Variants in ENTHD1 observed in about 807,000 individuals in gnomAD.
The protein encoded by ENTHD1 is ENTH domain containing 1.
Under a neutral mutation model 39.1 loss-of-function variants are expected in ENTHD1, and 23 were observed. That is an observed-to-expected ratio of 0.59 (90% confidence interval 0.42 to 0.83). The LOEUF is 0.83. Among genes scored for constraint, ENTHD1 ranks in the 40% least tolerant of loss-of-function variants. ENTHD1 has a pLI of 0.00. For missense variants in ENTHD1, 624 were observed against 705.4 expected, an observed-to-expected ratio of 0.88 and a Z score of 1.31; for synonymous variants, 230 against 258.2, an observed-to-expected ratio of 0.89 and a Z score of 1.05.
chr22:39,761,785 T>C (rs2065235190), intron 6 of ENTHD1, among the ~76,000 whole-genome samples: 1 of 152,154 alleles, frequency 6.6e-6, no homozygotes, highest in African/African-American at 2.4e-5. Context: ...AATTCCTTTT[T>C]ACAGTTTTTT....
intron 5 of ENTHD1, among the ~76,000 whole-genome samples, chr22:39,777,172 T>C (rs190281613): frequency 6.6e-6 from 1 of 152,286 alleles, no homozygotes; most frequent in African/African-American, 2.4e-5. Context: ...ATAAGACCAT[T>C]TTGCTAAGAG....
At chr22:39,813,352 A>G (rs1473058732) in intron 5 of ENTHD1, among the ~76,000 whole-genome samples, 1 of 152,274 alleles carries the variant, frequency 6.6e-6, no homozygotes, top group Admixed American at 6.5e-5. Flanking sequence ...ACTCATAGAC[A>G]TAGATGCAAA....
chr22:39,841,095 T>C (rs1244056352), intron 3 of ENTHD1, among the ~76,000 whole-genome samples: 1 of 152,214 alleles, frequency 6.6e-6, no homozygotes, highest in African/African-American at 2.4e-5. Context: ...ACTTTGATTT[T>C]GTAATAATTT....
At chr22:39,744,420 A>C in intron 6 of ENTHD1, 137 bp from the exon 7 acceptor site, 1 of 763,260 alleles carries the variant, frequency 1.3e-6, no homozygotes, top group Non-Finnish European at 1.9e-6. Flanking sequence ...AATGTTAACT[A>C]TTCATAATAA....
intron 3 of ENTHD1, among the ~76,000 whole-genome samples, chr22:39,852,107 C>G (rs1410212013): frequency 6.6e-6 from 1 of 151,852 alleles, no homozygotes; most frequent in East Asian, 1.9e-4. Flanking sequence ...CTGAGGCGAG[C>G]AGATTGCTTA....
chr22:39,772,977 C>A (rs2065338603), intron 5 of ENTHD1, among the ~76,000 whole-genome samples: 2 of 151,788 alleles, frequency 1.3e-5, no homozygotes, highest in African/African-American at 2.4e-5. Context: ...ATACATGAAG[C>A]AAAATCTGAC....
At position 39,756,079 on chromosome 22, in the gene ENTHD1, G is replaced by A. The variant is rs554998884; in HGVS notation, c.1219+9144C>T. On this transcript the variant is annotated intron_variant, in intron 6 of 6. Coordinates refer to ENST00000325157, the MANE Select transcript of ENTHD1 (RefSeq NM_152512.4). ...GATTTATTCTCCGATCTCCCTCTAGGACTGGGAGCTTTGCCATCCTCTCCT... is the reference window on the plus strand; with the variant it reads ...GATTTATTCTCCGATCTCCCTCTAGAACTGGGAGCTTTGCCATCCTCTCCT... 2.6e-5 allele frequency among the ~76,000 whole-genome samples: 4 copies of A among 152,210 alleles called. No individual in the cohort carries two copies. In the East Asian group the frequency reaches 7.7e-4, roughly 29 times the overall value.
intron 3 of ENTHD1, among the ~76,000 whole-genome samples, chr22:39,848,959 G>T (rs944388181): frequency 8.5e-5 from 13 of 152,076 alleles, no homozygotes; most frequent in African/African-American, 3.1e-4. Flanking sequence ...TTATTGAGCA[G>T]TTCAGTTTTT....
At chr22:39,748,143 G>A (rs1329859392) in intron 6 of ENTHD1, among the ~76,000 whole-genome samples, 2 of 151,858 alleles carry the variant, frequency 1.3e-5, no homozygotes, top group Admixed American at 6.6e-5. Flanking sequence ...CACCTACTTG[G>A]GAGACTAAAG....
intron 5 of ENTHD1, among the ~76,000 whole-genome samples, chr22:39,790,315 G>A (rs551244385): frequency 6.6e-6 from 1 of 152,252 alleles, no homozygotes; most frequent in Admixed American, 6.5e-5. Context: ...AGGCAACAAT[G>A]GTGGACAGGA....
chr22:39,819,214 A>T (rs2065759020), intron 5 of ENTHD1, among the ~76,000 whole-genome samples: 3 of 152,020 alleles, frequency 2.0e-5, no homozygotes, highest in Admixed American at 1.3e-4. Flanking sequence ...AAAATACAAA[A>T]ATTAGCCAGG....
chr22:39,833,405 C>T (rs747388654), intron 4 of ENTHD1, among the ~76,000 whole-genome samples: 8 of 151,872 alleles, frequency 5.3e-5, no homozygotes, highest in Non-Finnish European at 7.4e-5. Flanking sequence ...CATCAGAAGC[C>T]CAGATATTAG....
At chr22:39,780,524 A>G (rs926437274) in intron 5 of ENTHD1, among the ~76,000 whole-genome samples, 3 of 152,224 alleles carry the variant, frequency 2.0e-5, no homozygotes, top group Non-Finnish European at 4.4e-5. Context: ...GAAGGGGTAG[A>G]AAAAGATACT....
At chr22:39,844,763 A>G (rs1312244383) in intron 3 of ENTHD1, among the ~76,000 whole-genome samples, 2 of 152,150 alleles carry the variant, frequency 1.3e-5, no homozygotes, top group Non-Finnish European at 2.9e-5. Flanking sequence ...AAAAAAAGAG[A>G]ACTGAATGGA....
At chr22:39,845,987 A>G (rs557910196) in intron 3 of ENTHD1, among the ~76,000 whole-genome samples, 4 of 152,154 alleles carry the variant, frequency 2.6e-5, no homozygotes, top group East Asian at 1.9e-4. Flanking sequence ...ATCTGTTCCA[A>G]TGGAACAGAA....
Position 39,821,073 on chromosome 22 carries a change from A to G in ENTHD1, c.752T>C (p.Leu251Ser), listed in dbSNP as rs142690162. ...TFLDDDPELPLLATPPSIVSP... is the reference protein window; with the variant it reads ...TFLDDDPELPSLATPPSIVSP... The stretch of plus-strand genomic sequence containing the variant: ...GACAATGGAAGGAGGTGTTGCTAGT[A>G]AAGGCAGCTCTGGATCATCATCCAA... The change falls in exon 5 of 7, where the codon TTA becomes TCA. Residue 251 changes from leucine (L) to serine (S), a missense_variant. Coordinates refer to ENST00000325157, the MANE Select transcript of ENTHD1 (RefSeq NM_152512.4). The G allele has an allele frequency of 6.2e-7, 1 of 1,614,022 alleles. No homozygotes were observed. Among genetic ancestry groups the G allele is most frequent in the African/African-American group, 1.3e-5 (1 of 74,946 alleles).
intron 5 of ENTHD1, among the ~76,000 whole-genome samples, chr22:39,803,190 C>T (rs2065612933): frequency 6.6e-6 from 1 of 152,126 alleles, no homozygotes; most frequent in Non-Finnish European, 1.5e-5. Context: ...TCTCTCACAC[C>T]ACCATCCCCT....
intron 6 of ENTHD1, 96 bp from the exon 7 acceptor site, chr22:39,744,379 G>T: frequency 8.7e-7 from 1 of 1,150,328 alleles, no homozygotes; most frequent in Non-Finnish European, 1.2e-6. Context: ...ATCTGGAAGG[G>T]CTCAACATAA....
At chr22:39,883,772 G>A (rs1446569613) in intron 2 of ENTHD1, among the ~76,000 whole-genome samples, 4 of 149,312 alleles carry the variant, frequency 2.7e-5, no homozygotes, top group East Asian at 2.0e-4. Flanking sequence ...GGAGAATGGC[G>A]TGAACCTGGG....
Sources: allele counts gnomAD v4.1 joint callset (sites outside exome capture counted in the v4.1 genomes callset), GRCh38; gene constraint gnomAD v4.1.1; transcripts MANE v1.5; gene names NCBI Gene and HGNC (gene_info 2026-07-23, HGNC 2026-07-21).